RBFOX1: variants seen among roughly 807,000 people sequenced by gnomAD.
RBFOX1 encodes RNA binding fox-1 homolog 1, also known as RNA binding protein fox-1 homolog 1.
A neutral mutation model predicts 57.7 loss-of-function variants in RBFOX1; 8 were observed. That is an observed-to-expected ratio of 0.14 (90% confidence interval 0.08 to 0.25). RBFOX1 has a LOEUF of 0.25. RBFOX1 is among the 10% of genes least tolerant of loss of function. The probability of loss-of-function intolerance (pLI) is 1.00; values close to 1 mark genes in which losing one functional copy is unlikely to be tolerated. For missense variants in RBFOX1, 611 were observed against 548.5 expected, an observed-to-expected ratio of 1.11 and a Z score of -1.14; for synonymous variants, 326 against 222.4, an observed-to-expected ratio of 1.47 and a Z score of -4.15.
At chr16:7,151,822 A>C (rs762247461) in intron 4 of RBFOX1, among the ~76,000 whole-genome samples, 2 of 152,086 alleles carry the variant, frequency 1.3e-5, no homozygotes, top group Non-Finnish European at 2.9e-5. Flanking sequence ...GCCACATGCA[A>C]CCTAGCTCCT....
Position 5,756,819 on chromosome 16 carries a change from T to C in RBFOX1, c.319-110484T>C, listed in dbSNP as rs77218712. Among the ~76,000 whole-genome samples the C allele has an allele frequency of 8.1e-3, 1,239 of 152,260 alleles. 23 individuals are homozygous for C. Among genetic ancestry groups the C allele is most frequent in the African/African-American group, 0.027 (1,102 of 41,542 alleles). On this transcript the variant is annotated intron_variant, in intron 3 of 19. Coordinates refer to the RBFOX1 transcript ENST00000641259. ...GCCAGCTTCGTGGGAAAGGTGGACT[T>C]CTCAATAATACAGCTAACAGGTACT...
At chr16:6,721,872 G>A (rs7193847) in intron 3 of RBFOX1, 28,367 of 144,746 alleles carry the variant, frequency 0.2, 3,594 homozygotes, top group African/African-American at 0.33. Context: ...CCCCCCACCA[G>A]CCCACATTAT....
chr16:7,521,551 G>T (rs780396106), intron 5 of RBFOX1, among the ~76,000 whole-genome samples: 6 of 152,110 alleles, frequency 3.9e-5, no homozygotes, highest in Non-Finnish European at 5.9e-5. Context: ...TAGCGTGTTG[G>T]GTGTCCACAG....
chr16:5,332,414 A>T (rs761495894), intron 1 of RBFOX1, among the ~76,000 whole-genome samples: 25 of 151,862 alleles, frequency 1.6e-4, no homozygotes, highest in Non-Finnish European at 2.5e-4. Flanking sequence ...GGTACATGCC[A>T]CCATGCCCAG....
In RBFOX1 at chr16:6,691,333, T is replaced by A. The variant is rs114552153; in HGVS notation, c.-16+36683T>A. On this transcript the variant is annotated intron_variant, in intron 3 of 15. Transcript: ENST00000550418. ...TAAGCCCGTAATAAACATAACTGTT[T>A]CTTAAGAAAGCTTATTTTGCCATCA... Among the ~76,000 whole-genome samples the A allele has an allele frequency of 6.0e-3, 913 of 152,292 alleles. 13 individuals are homozygous for A. Among genetic ancestry groups the A allele is most frequent in the African/African-American group, 0.021 (877 of 41,560 alleles).
At chr16:7,002,100 A>AT (rs113501170) in intron 3 of RBFOX1, among the ~76,000 whole-genome samples, 31,718 of 151,096 alleles carry the variant, frequency 0.21, 3,712 homozygotes, top group Middle Eastern at 0.34. Flanking sequence ...CTATGGAGAA[A>AT]TTTTTTTTTC....
chr16:6,939,671 C>CATGT (rs1172806390), intron 3 of RBFOX1, among the ~76,000 whole-genome samples: 1 of 151,854 alleles, frequency 6.6e-6, no homozygotes. Context: ...GCTACCATAC[C>CATGT]CAGCTAATTT....
At position 5,256,504 on chromosome 16, in the gene RBFOX1, A is replaced by T. The variant is rs531413677; in HGVS notation, c.219+16399A>T. Among the ~76,000 whole-genome samples, 182 of 152,316 alleles carry T rather than the reference A, an allele frequency of 1.2e-3. 1 individual carries two copies. Among genetic ancestry groups the T allele is most frequent in the African/African-American group, 4.2e-3 (175 of 41,568 alleles). On this transcript the variant is annotated intron_variant, in intron 1 of 2. Coordinates refer to the RBFOX1 transcript ENST00000585867. ...CTGCTTCTCTCCCAGGACTGCTAGGAAGGCAAGATTAGATGGCAGATGAGA... is the reference window on the plus strand; with the variant it reads ...CTGCTTCTCTCCCAGGACTGCTAGGTAGGCAAGATTAGATGGCAGATGAGA...
intron 4 of RBFOX1, among the ~76,000 whole-genome samples, chr16:7,313,911 C>G (rs2096379057): frequency 6.6e-6 from 1 of 152,190 alleles, no homozygotes; most frequent in Admixed American, 6.5e-5. Flanking sequence ...ACGGAGAGAC[C>G]TCTGCCAGGT....
chr16:7,415,862 G>T (rs945993260), intron 4 of RBFOX1, among the ~76,000 whole-genome samples: 1 of 152,088 alleles, frequency 6.6e-6, no homozygotes, highest in Admixed American at 6.5e-5. Flanking sequence ...CGGGAAGATG[G>T]AACTGTCCTT....
At chr16:5,879,647 C>A (rs1469132303) in intron 4 of RBFOX1, among the ~76,000 whole-genome samples, 1 of 152,128 alleles carries the variant, frequency 6.6e-6, no homozygotes, top group African/African-American at 2.4e-5. Flanking sequence ...TTATTTAGTT[C>A]ATACATTAGT....
chr16:5,877,003 T>C (rs1206177799), intron 4 of RBFOX1, among the ~76,000 whole-genome samples: 1 of 152,134 alleles, frequency 6.6e-6, no homozygotes, highest in Non-Finnish European at 1.5e-5. Flanking sequence ...GTGAGTTAAA[T>C]TGGTTGATTG....
At chr16:6,877,631 A>C (rs531831316) in intron 3 of RBFOX1, among the ~76,000 whole-genome samples, 2 of 152,218 alleles carry the variant, frequency 1.3e-5, no homozygotes, top group Non-Finnish European at 2.9e-5. Context: ...TTTAGAGTTC[A>C]CAAAGCATTT....
At chr16:6,260,943 G>T (rs1223370226) in intron 1 of RBFOX1, among the ~76,000 whole-genome samples, 1 of 152,130 alleles carries the variant, frequency 6.6e-6, no homozygotes, top group Non-Finnish European at 1.5e-5. Context: ...AGATAATGTT[G>T]CTGAGAAGGA....
chr16:7,429,324 T>A (rs1598238175), intron 4 of RBFOX1, among the ~76,000 whole-genome samples: 1 of 152,202 alleles, frequency 6.6e-6, no homozygotes, highest in African/African-American at 2.4e-5. Context: ...GCACAAGCCA[T>A]CCTGCCTCTC....
At chr16:7,075,750 T>G (rs2058175093) in intron 4 of RBFOX1, among the ~76,000 whole-genome samples, 1 of 151,974 alleles carries the variant, frequency 6.6e-6, no homozygotes, top group Non-Finnish European at 1.5e-5. Context: ...TCGGCTAATT[T>G]TTTTTATTTT....
At chr16:7,612,008 G>C (rs776562049) in intron 10 of RBFOX1, among the ~76,000 whole-genome samples, 5 of 152,052 alleles carry the variant, frequency 3.3e-5, no homozygotes, top group African/African-American at 4.8e-5. Context: ...ATCATCTCCA[G>C]AGTCCTTGAG....
chr16:6,024,386 G>T (rs553372568), intron 1 of RBFOX1, among the ~76,000 whole-genome samples: 1 of 152,270 alleles, frequency 6.6e-6, no homozygotes, highest in South Asian at 2.1e-4. Flanking sequence ...ATAGTGACTT[G>T]GGGGGACATT....
intron 3 of RBFOX1, among the ~76,000 whole-genome samples, chr16:6,725,947 C>G (rs2067076299): frequency 6.6e-6 from 1 of 152,054 alleles, no homozygotes; most frequent in Admixed American, 6.6e-5. Context: ...TGAGGGAAAC[C>G]AGGAAATCTA....
Sources: allele counts gnomAD v4.1 joint callset (sites outside exome capture counted in the v4.1 genomes callset), GRCh38; gene constraint gnomAD v4.1.1; transcripts MANE v1.5; gene names NCBI Gene and HGNC (gene_info 2026-07-23, HGNC 2026-07-21).